TMEM178B: variants seen among roughly 807,000 people sequenced by gnomAD.
TMEM178B encodes the protein transmembrane protein 178B.
Under a neutral mutation model 31.0 loss-of-function variants are expected in TMEM178B, and 5 were observed. The observed-to-expected ratio is 0.16, with a 90% CI of 0.08 to 0.34. The LOEUF (loss-of-function observed/expected upper bound fraction) is 0.34. Ranked by LOEUF, TMEM178B falls within the 10% of genes least tolerant of loss-of-function variation. TMEM178B has a pLI of 1.00. For synonymous variants in TMEM178B, 164 were observed against 164.0 expected (o/e 1.00, Z 0.00); for missense variants, 275 against 400.3 (o/e 0.69, Z 2.67).
chr7:141,405,289 G>A (rs570481743), intron 2 of TMEM178B, among the ~76,000 whole-genome samples: 2 of 152,366 alleles, frequency 1.3e-5, no homozygotes, highest in East Asian at 3.9e-4. Context: ...CAGCCACCTG[G>A]CATCTATGCC....
chr7:141,288,376 C>T (rs2116415621), intron 2 of TMEM178B, among the ~76,000 whole-genome samples: 1 of 152,058 alleles, frequency 6.6e-6, no homozygotes, highest in South Asian at 2.1e-4. Context: ...CTACCCAGTG[C>T]CTCGCTCCAT....
intron 2 of TMEM178B, among the ~76,000 whole-genome samples, chr7:141,271,230 C>T (rs62484711): frequency 6.6e-6 from 1 of 152,158 alleles, no homozygotes; most frequent in African/African-American, 2.4e-5. Context: ...GGCAGGAGGC[C>T]TGCTTCAAAA....
intron 1 of TMEM178B, among the ~76,000 whole-genome samples, chr7:141,211,526 G>A (rs1015445559): frequency 3.3e-5 from 5 of 152,132 alleles, no homozygotes; most frequent in Admixed American, 1.3e-4. Flanking sequence ...CCATTCAGGT[G>A]CAAAACCAAA....
At chr7:141,314,110 G>T (rs1274853998) in intron 2 of TMEM178B, among the ~76,000 whole-genome samples, 1 of 152,162 alleles carries the variant, frequency 6.6e-6, no homozygotes. Context: ...TCATTTAGTT[G>T]CAACAGCCAT....
intron 2 of TMEM178B, among the ~76,000 whole-genome samples, chr7:141,347,131 C>T (rs958096793): frequency 6.6e-6 from 1 of 152,172 alleles, no homozygotes; most frequent in African/African-American, 2.4e-5. Context: ...GGTAAGTCTG[C>T]AGAACTGTGA....
At chr7:141,438,747 G>A (rs181568518) in intron 3 of TMEM178B, among the ~76,000 whole-genome samples, 9 of 129,254 alleles carry the variant, frequency 7.0e-5, no homozygotes, top group East Asian at 4.1e-4. Context: ...ATGGTAGCGC[G>A]TGCCTGTAGT....
chr7:141,448,875 G>T (rs1186540040), intron 3 of TMEM178B, among the ~76,000 whole-genome samples: 1 of 152,144 alleles, frequency 6.6e-6, no homozygotes, highest in Non-Finnish European at 1.5e-5. Context: ...GCTGAGTTGG[G>T]GTCCGTTGCT....
At chr7:141,489,919 G>A in the TMEM178B span, among the ~76,000 whole-genome samples, 6 of 152,212 alleles carry the variant, frequency 3.9e-5, no homozygotes, top group African/African-American at 9.6e-5. Flanking sequence ...GAATCCCAAC[G>A]AAGGTGAAGA....
chr7:141,450,748 G>GT (rs1211420052), intron 3 of TMEM178B, among the ~76,000 whole-genome samples: 10 of 152,170 alleles, frequency 6.6e-5, no homozygotes, highest in African/African-American at 2.4e-4. Context: ...CAGGTCAACA[G>GT]TAGACACTGT....
intron 1 of TMEM178B, among the ~76,000 whole-genome samples, chr7:141,195,428 T>G (rs1796766238): frequency 6.6e-6 from 1 of 152,200 alleles, no homozygotes; most frequent in Non-Finnish European, 1.5e-5. Flanking sequence ...GCCAGTCTCT[T>G]TGCTAAAACA....
At chr7:141,183,752 A>G (rs1362291363) in intron 1 of TMEM178B, among the ~76,000 whole-genome samples, 1 of 152,186 alleles carries the variant, frequency 6.6e-6, no homozygotes, top group African/African-American at 2.4e-5. Flanking sequence ...GACATGAATG[A>G]TGGATAATTA....
At chr7:141,092,025 A>G (rs1338897252) in intron 1 of TMEM178B, among the ~76,000 whole-genome samples, 1 of 152,062 alleles carries the variant, frequency 6.6e-6, no homozygotes, top group African/African-American at 2.4e-5. Context: ...ACCACACCCC[A>G]CCTAATGTAC....
chr7:141,342,326 G>A (rs1362609864), intron 2 of TMEM178B, among the ~76,000 whole-genome samples: 1 of 152,226 alleles, frequency 6.6e-6, no homozygotes, highest in Non-Finnish European at 1.5e-5. Flanking sequence ...CCTTCCCGAT[G>A]TGGATAAGTG....
chr7:141,442,431 G>C (rs1220026163), intron 3 of TMEM178B, among the ~76,000 whole-genome samples: 1 of 152,190 alleles, frequency 6.6e-6, no homozygotes, highest in East Asian at 1.9e-4. Flanking sequence ...GTCATCCACT[G>C]TCAATGGCCC....
At chr7:141,101,346 A>G (rs1002433667) in intron 1 of TMEM178B, among the ~76,000 whole-genome samples, 3 of 152,240 alleles carry the variant, frequency 2.0e-5, no homozygotes, top group Non-Finnish European at 4.4e-5. Flanking sequence ...CTGGAATAAT[A>G]GATTTTTATC....
At chr7:141,284,787 A>G (rs1798417465) in intron 2 of TMEM178B, among the ~76,000 whole-genome samples, 2 of 152,156 alleles carry the variant, frequency 1.3e-5, no homozygotes, top group South Asian at 4.1e-4. Flanking sequence ...CAGACCGACC[A>G]TTGGCCGTGA....
Position 141,099,385 on chromosome 7 carries a change from A to AAC in TMEM178B, c.382+24695_382+24696dup, listed in dbSNP as rs147322475. Among the ~76,000 whole-genome samples, 1,509 of 152,328 alleles carry AAC rather than the reference A, an allele frequency of 9.9e-3. 24 individuals carry two copies. The highest frequency in any genetic ancestry group is 0.035 in the African/African-American group (1,438 of 41,564). On this transcript the variant is annotated intron_variant, in intron 1 of 3. Coordinates refer to ENST00000565468, the MANE Select transcript of TMEM178B (RefSeq NM_001195278.2). ...ATTTTGTGGCCACACGTTCCTTTTAAACATTATTATAAATAGCTACTTTTG... is the reference window on the plus strand; with the variant it reads ...ATTTTGTGGCCACACGTTCCTTTTAAACACATTATTATAAATAGCTACTTTTG...
intron 1 of TMEM178B, among the ~76,000 whole-genome samples, chr7:141,180,953 T>A (rs1161810184): frequency 1.3e-5 from 2 of 152,098 alleles, no homozygotes; most frequent in African/African-American, 4.8e-5. Flanking sequence ...GAAAATTCCA[T>A]CAACATCCAT....
chr7:141,147,185 A>T (rs1795866705), intron 1 of TMEM178B, among the ~76,000 whole-genome samples: 1 of 151,800 alleles, frequency 6.6e-6, no homozygotes, highest in South Asian at 2.1e-4. Context: ...AGTAAAACCA[A>T]CCTTTCTTCT....
Sources: allele counts gnomAD v4.1 joint callset (sites outside exome capture counted in the v4.1 genomes callset), GRCh38; gene constraint gnomAD v4.1.1; transcripts MANE v1.5; gene names NCBI Gene and HGNC (gene_info 2026-07-23, HGNC 2026-07-21).